Variants in CRISPLD2 observed in about 807,000 individuals in gnomAD.
CRISPLD2 encodes cysteine-rich secretory protein LCCL domain-containing 2.
CRISPLD2 carries 47 observed loss-of-function variants against 71.1 expected under a neutral mutation model. The observed-to-expected ratio is 0.66, with a 90% CI of 0.52 to 0.84. The LOEUF (loss-of-function observed/expected upper bound fraction) is 0.84, where lower values mean the gene tolerates loss of function less well. Ranked by LOEUF, CRISPLD2 falls within the 40% of genes least tolerant of loss-of-function variation. The pLI, the probability that CRISPLD2 is intolerant of heterozygous loss-of-function variation, is 0.00. For missense variants in CRISPLD2, 830 were observed against 651.1 expected, an observed-to-expected ratio of 1.27 and a Z score of -2.99; for synonymous variants, 317 against 250.1, an observed-to-expected ratio of 1.27 and a Z score of -2.52.
intron 14 of CRISPLD2, among the ~76,000 whole-genome samples, chr16:84,890,154 C>T (rs185705554): frequency 2.0e-5 from 3 of 151,592 alleles, no homozygotes; most frequent in East Asian, 3.9e-4. Flanking sequence ...GTCAGGAGAT[C>T]GAGACCATCC....
At chr16:84,853,304 C>T (rs1045895378) in intron 5 of CRISPLD2, among the ~76,000 whole-genome samples, 6 of 152,212 alleles carry the variant, frequency 3.9e-5, no homozygotes, top group African/African-American at 1.4e-4. Flanking sequence ...GCTCTGGGAC[C>T]TCTCGGTCCC....
At chr16:84,860,800 GC>G (rs1463521232) in intron 6 of CRISPLD2, among the ~76,000 whole-genome samples, 1 of 152,208 alleles carries the variant, frequency 6.6e-6, no homozygotes, top group East Asian at 1.9e-4. Context: ...TTGCAGGTCA[GC>G]CACTTGCATG....
chr16:84,886,147 C>T (rs140529673), intron 13 of CRISPLD2, among the ~76,000 whole-genome samples: 4,186 of 152,244 alleles, frequency 0.027, 96 homozygotes, highest in Middle Eastern at 0.058. Flanking sequence ...ACCTCGGCCT[C>T]CCAAAGTCCT....
rs2071818693 is a variant in CRISPLD2 at position 84,907,859 on chromosome 16, G to C, written c.*1217G>C. On this transcript the variant is annotated 3_prime_UTR_variant, in exon 15 of 15. Transcript: ENST00000262424. ...CCAAACGTTCCCGAGGCGCCAAGGA[G>C]TGTAGTACACCCTGGCTGCCATCAC... 6.6e-6 allele frequency: 1 copy of C among 152,212 alleles called. No homozygotes were observed. Among genetic ancestry groups the C allele is most frequent in the African/African-American group, 2.4e-5 (1 of 41,464 alleles). 9.4% of individuals were successfully genotyped at this position (152,212 alleles called of 1,614,324 possible).
chr16:84,848,438 G>C (rs1916976156), intron 3 of CRISPLD2, among the ~76,000 whole-genome samples: 1 of 147,244 alleles, frequency 6.8e-6, no homozygotes, highest in African/African-American at 2.5e-5. Flanking sequence ...CTTGCCTCCA[G>C]TTTGGTTTTC....
At chr16:84,867,496 A>G (rs1917573838) in intron 7 of CRISPLD2, among the ~76,000 whole-genome samples, 1 of 152,198 alleles carries the variant, frequency 6.6e-6, no homozygotes, top group Admixed American at 6.5e-5. Flanking sequence ...TGCCCGGAGG[A>G]TGAGCTGCAG....
chr16:84,881,955 C>G (rs1332120890), intron 13 of CRISPLD2, among the ~76,000 whole-genome samples: 2 of 152,148 alleles, frequency 1.3e-5, no homozygotes, highest in African/African-American at 2.4e-5. Flanking sequence ...CTCCCCCCAT[C>G]TTTTTTCTTT....
intron 1 of CRISPLD2, among the ~76,000 whole-genome samples, chr16:84,823,386 T>C (rs555620002): frequency 6.6e-6 from 1 of 152,326 alleles, no homozygotes; most frequent in East Asian, 1.9e-4. Flanking sequence ...GGGAGGGAAT[T>C]GCTGGGTCAT....
intron 6 of CRISPLD2, among the ~76,000 whole-genome samples, chr16:84,863,763 G>A (rs755337201): frequency 3.3e-5 from 5 of 152,182 alleles, no homozygotes; most frequent in Non-Finnish European, 7.4e-5. Flanking sequence ...GAGGTCGGGA[G>A]TTTGAGACCA....
chr16:84,879,519 C>T (rs982589316), intron 12 of CRISPLD2, among the ~76,000 whole-genome samples: 3 of 152,164 alleles, frequency 2.0e-5, no homozygotes, highest in African/African-American at 4.8e-5. Context: ...TGCACCACCA[C>T]GCCTGGCTAA....
chr16:84,846,957 A>C (rs2143202320), intron 3 of CRISPLD2, among the ~76,000 whole-genome samples: 1 of 152,348 alleles, frequency 6.6e-6, no homozygotes, highest in Admixed American at 6.5e-5. Context: ...GGCTGGTTTC[A>C]TTGGAGAAAG....
At chr16:84,883,819 C>T (rs149406949) in intron 13 of CRISPLD2, among the ~76,000 whole-genome samples, 2 of 151,090 alleles carry the variant, frequency 1.3e-5, no homozygotes, top group Non-Finnish European at 2.9e-5. Context: ...TGCCATCCTG[C>T]GTTAAGCCTG....
chr16:84,838,874 T>A (rs1476439100), intron 2 of CRISPLD2, 139 bp downstream of exon 2: 1 of 1,095,664 alleles, frequency 9.1e-7, no homozygotes, highest in Non-Finnish European at 1.3e-6. Context: ...CAGGGGAGGA[T>A]CCCGGCTCTG....
At position 84,880,541 on chromosome 16, in the gene CRISPLD2, C is replaced by T. The variant is rs750979414; in HGVS notation, c.1262C>T (p.Pro421Leu). ...TGTCCGGCACACTGCAAAGACGAAC[C>T]TTCCTACTGGGCTCCGGTGTTTGGA... ...IHCPAHCKDE[P>L]SYWAPVFGTN... The change falls in exon 13 of 15, where the codon CCT becomes CTT. Residue 421 changes from proline to leucine, a missense_variant. Transcript: ENST00000262424. 5 of 1,613,690 alleles carry T rather than the reference C, an allele frequency of 3.1e-6. No homozygotes were observed. In the African/African-American group the frequency reaches 5.3e-5, roughly 17 times the overall value.
intron 14 of CRISPLD2, among the ~76,000 whole-genome samples, chr16:84,906,027 C>G (rs1247188074): frequency 2.0e-5 from 3 of 152,066 alleles, no homozygotes; most frequent in African/African-American, 7.2e-5. Context: ...TTTTTAAAAA[C>G]CATCTTTGAT....
intron 6 of CRISPLD2, among the ~76,000 whole-genome samples, chr16:84,858,463 T>G (rs1346200131): frequency 6.6e-6 from 1 of 152,196 alleles, no homozygotes; most frequent in Non-Finnish European, 1.5e-5. Flanking sequence ...TTAACAGGCC[T>G]AACACCACTA....
intron 2 of CRISPLD2, among the ~76,000 whole-genome samples, chr16:84,841,544 G>GA (rs11284398): frequency 3.0e-4 from 45 of 149,422 alleles, no homozygotes; most frequent in African/African-American, 9.8e-4. Flanking sequence ...GGGTAAAAAA[G>GA]AAAAAAAAAG....
Position 84,907,870 on chromosome 16 carries a change from C to T in CRISPLD2, c.*1228C>T, listed in dbSNP as rs1174169748. 1 of 152,154 alleles carries T rather than the reference C, an allele frequency of 6.6e-6. No homozygotes were observed. Among genetic ancestry groups the T allele is most frequent in the Non-Finnish European group, 1.5e-5 (1 of 68,026 alleles). 9.4% of individuals were successfully genotyped at this position (152,154 alleles called of 1,614,324 possible). On this transcript the variant is annotated 3_prime_UTR_variant, in exon 15 of 15. Transcript: ENST00000262424. ...CGAGGCGCCAAGGAGTGTAGTACAC[C>T]CTGGCTGCCATCACTCTATAAAAGT... is the stretch of plus-strand genomic sequence containing the variant.
At position 84,872,573 on chromosome 16, in the gene CRISPLD2, G is replaced by C. The variant is rs368398329; in HGVS notation, c.981+65G>C. On this transcript the variant is annotated intron_variant, in intron 9 of 14. Transcript: ENST00000262424. ...ATCCTGTTGCATATGTTTAAAGCAG[G>C]TGGTTGGCTTTAGTAGGAAAAGATT... 7.2e-6 allele frequency: 10 copies of C among 1,388,670 alleles called. No homozygotes were observed. The African/African-American group carries it at 8.8e-5, about 12-fold the overall frequency. 86.0% of individuals were successfully genotyped at this position (1,388,670 alleles called of 1,614,324 possible).
Sources: allele counts gnomAD v4.1 joint callset (sites outside exome capture counted in the v4.1 genomes callset), GRCh38; gene constraint gnomAD v4.1.1; transcripts MANE v1.5; gene names NCBI Gene and HGNC (gene_info 2026-07-23, HGNC 2026-07-21).